Variants in CA10 observed in about 807,000 individuals in gnomAD.
The protein encoded by CA10 is carbonic anhydrase-related protein 10.
A neutral mutation model predicts 44.2 loss-of-function variants in CA10; 14 were observed. The observed-to-expected ratio is 0.32, with a 90% confidence interval of 0.21 to 0.50. The LOEUF is 0.50. Ranked by LOEUF, CA10 falls within the 20% of genes least tolerant of loss-of-function variation. The pLI, the probability that CA10 is intolerant of heterozygous loss-of-function variation, is 0.99. For synonymous variants in CA10, 159 were observed against 141.6 expected (o/e 1.12, Z -0.87); for missense variants, 350 against 409.7 (o/e 0.85, Z 1.26).
chr17:52,093,757 G>A (rs111962993), intron 1 of CA10, among the ~76,000 whole-genome samples: 1,897 of 152,262 alleles, frequency 0.012, 33 homozygotes, highest in African/African-American at 0.043. Context: ...GAATGGAAAA[G>A]AGGGCAATAA....
At chr17:51,873,466 C>T (rs11079984) in intron 3 of CA10, among the ~76,000 whole-genome samples, 15,140 of 152,166 alleles carry the variant, frequency 0.099, 956 homozygotes, top group African/African-American at 0.18. Flanking sequence ...ATTACAGGAC[C>T]TGGGAGGCAA....
At chr17:51,927,428 G>C (rs1357297601) in intron 3 of CA10, among the ~76,000 whole-genome samples, 1 of 152,032 alleles carries the variant, frequency 6.6e-6, no homozygotes, top group East Asian at 1.9e-4. Context: ...CAGCAGATAG[G>C]TTTCTATGTG....
intron 4 of CA10, among the ~76,000 whole-genome samples, chr17:51,703,809 T>G (rs1166705681): frequency 6.6e-6 from 1 of 152,194 alleles, no homozygotes; most frequent in African/African-American, 2.4e-5. Flanking sequence ...GTTAGCAAGC[T>G]AGGCTCCTTT....
intron 2 of CA10, among the ~76,000 whole-genome samples, chr17:52,005,464 C>T (rs971319143): frequency 2.0e-5 from 3 of 151,932 alleles, no homozygotes; most frequent in Non-Finnish European, 2.9e-5. Flanking sequence ...CCAGATCACA[C>T]TGTGTGTTTC....
chr17:51,684,539 G>A (rs1043331030), intron 4 of CA10, among the ~76,000 whole-genome samples: 1 of 152,172 alleles, frequency 6.6e-6, no homozygotes, highest in Non-Finnish European at 1.5e-5. Flanking sequence ...TACCCAAAAC[G>A]TGCCATGCCC....
intron 1 of CA10, among the ~76,000 whole-genome samples, chr17:52,097,933 T>A (rs1360646571): frequency 6.6e-6 from 1 of 152,194 alleles, no homozygotes; most frequent in Non-Finnish European, 1.5e-5. Flanking sequence ...GTATCCACTG[T>A]CATAGTCCTC....
Position 51,919,617 on chromosome 17 carries a change from T to C in CA10, c.279+11373A>G, listed in dbSNP as rs190305188. Among the ~76,000 whole-genome samples, 191 of 152,252 alleles carry C rather than the reference T, an allele frequency of 1.3e-3. 5 individuals carry two copies. The South Asian group carries it at 0.023, about 18-fold the overall frequency. On this transcript the variant is annotated intron_variant, in intron 3 of 8. Coordinates refer to ENST00000451037, the MANE Select transcript of CA10 (RefSeq NM_020178.5). The stretch of plus-strand genomic sequence containing the variant: ...TTGCCTATGTTTAAGAGGCTGGTTG[T>C]TTTGTAAAATGCCTGTTAGTTGTTC...
intron 1 of CA10, among the ~76,000 whole-genome samples, chr17:52,109,815 C>T (rs138865793): frequency 8.3e-4 from 127 of 152,314 alleles, no homozygotes; most frequent in African/African-American, 2.7e-3. Context: ...TGTTTCATGA[C>T]TTTCAGGCAG....
Position 52,072,223 on chromosome 17 carries a change from C to G in CA10, c.136+96G>C, listed in dbSNP as rs2143136819. 5 of 819,000 alleles carry G rather than the reference C, an allele frequency of 6.1e-6. No individual in the cohort carries two copies. The East Asian group carries it at 1.3e-4, about 22-fold the overall frequency. 50.7% of individuals were successfully genotyped at this position (819,000 alleles called of 1,614,324 possible). On this transcript the variant is annotated intron_variant, in intron 2 of 8. Transcript: ENST00000451037. ...GTATTCATTGCACACATAAATTAGA[C>G]TGCCTCACCTTTTGCAATGTAAAAT...
chr17:51,703,449 C>T (rs151286533), intron 4 of CA10, among the ~76,000 whole-genome samples: 1 of 152,050 alleles, frequency 6.6e-6, no homozygotes, highest in Non-Finnish European at 1.5e-5. Context: ...CCCTTAGACT[C>T]TATGGTCTCA....
intron 1 of CA10, among the ~76,000 whole-genome samples, chr17:52,108,225 T>TATATAA (rs1484781108): frequency 7.0e-5 from 10 of 142,560 alleles, no homozygotes; most frequent in South Asian, 4.4e-4. Flanking sequence ...TATATATATA[T>TATATAA]AATATGTATA....
intron 2 of CA10, among the ~76,000 whole-genome samples, chr17:52,027,874 G>A (rs1395847988): frequency 6.6e-6 from 1 of 152,166 alleles, no homozygotes; most frequent in Admixed American, 6.5e-5. Context: ...AAACAAGTAG[G>A]AGACAGAGAC....
intron 4 of CA10, among the ~76,000 whole-genome samples, chr17:51,671,562 G>A (rs1046063375): frequency 1.3e-5 from 2 of 152,054 alleles, no homozygotes; most frequent in South Asian, 2.1e-4. Flanking sequence ...CCGCCACCAC[G>A]CCTGGCTAAT....
chr17:51,872,801 C>T (rs1289232303), intron 3 of CA10, among the ~76,000 whole-genome samples: 1 of 152,182 alleles, frequency 6.6e-6, no homozygotes, highest in South Asian at 2.1e-4. Context: ...CAAATTAGGA[C>T]TCTTATTTCC....
intron 2 of CA10, among the ~76,000 whole-genome samples, chr17:52,017,319 A>G (rs1985999251): frequency 6.6e-6 from 1 of 152,160 alleles, no homozygotes; most frequent in Admixed American, 6.5e-5. Flanking sequence ...GGAAATTCCT[A>G]GAGACTTGTT....
intron 2 of CA10, among the ~76,000 whole-genome samples, chr17:51,994,330 C>G (rs2144108894): frequency 6.6e-6 from 1 of 152,078 alleles, no homozygotes; most frequent in Admixed American, 6.6e-5. Flanking sequence ...TGTATTAAGA[C>G]CCTACATGGT....
chr17:51,860,313 C>T (rs28453977), intron 3 of CA10, among the ~76,000 whole-genome samples: 29,632 of 152,170 alleles, frequency 0.19, 4,541 homozygotes, highest in African/African-American at 0.43. Flanking sequence ...ACAATGAGAT[C>T]TGCAATTCTC....
At chr17:52,047,431 A>T (rs548912236) in intron 2 of CA10, among the ~76,000 whole-genome samples, 1 of 152,030 alleles carries the variant, frequency 6.6e-6, no homozygotes, top group Non-Finnish European at 1.5e-5. Flanking sequence ...AAAGAATTTT[A>T]CTATAAGTAA....
intron 2 of CA10, among the ~76,000 whole-genome samples, chr17:51,937,814 C>G (rs956452503): frequency 2.6e-5 from 4 of 152,108 alleles, no homozygotes; most frequent in African/African-American, 9.7e-5. Flanking sequence ...GCAAGCTGAC[C>G]TGGCCCTTTT....
Sources: gnomAD v4.1 joint callset for allele counts (sites outside exome capture counted in the v4.1 genomes callset) on GRCh38, gnomAD v4.1.1 for gene constraint, MANE v1.5 for transcripts, NCBI Gene and HGNC (gene_info 2026-07-23, HGNC 2026-07-21) for gene names.